SH3BP4: variants seen among roughly 807,000 people sequenced by gnomAD.
SH3BP4 encodes SH3 domain-binding protein 4.
In SH3BP4, 33 loss-of-function variants were observed where a neutral mutation model predicts 65.5. That is an observed-to-expected ratio of 0.50 (90% CI 0.38 to 0.67). The LOEUF is 0.67. Ranked by LOEUF, SH3BP4 falls within the 30% of genes least tolerant of loss-of-function variation. The probability of loss-of-function intolerance (pLI) is 0.00; values close to 1 mark genes in which losing one functional copy is unlikely to be tolerated. For missense variants in SH3BP4, 1,134 were observed against 1,261.4 expected (o/e 0.90, Z 1.53); for synonymous variants, 552 against 545.5 (o/e 1.01, Z -0.17).
chr2:235,037,627 G>A (rs1306618767), intron 3 of SH3BP4, among the ~76,000 whole-genome samples: 3 of 152,142 alleles, frequency 2.0e-5, no homozygotes, highest in Admixed American at 6.5e-5. Flanking sequence ...ACCTTTGAGG[G>A]ATTCTAGCAA....
chr2:234,970,113 ACACT>A (rs769176903), intron 1 of SH3BP4, among the ~76,000 whole-genome samples: 4 of 151,718 alleles, frequency 2.6e-5, no homozygotes, highest in Admixed American at 6.6e-5. Context: ...TCACTCACAC[ACACT>A]CTCACACTCT....
At chr2:234,998,455 C>T (rs1283258725) in intron 2 of SH3BP4, among the ~76,000 whole-genome samples, 1 of 152,280 alleles carries the variant, frequency 6.6e-6, no homozygotes, top group East Asian at 1.9e-4. Context: ...TCTGCCTGCA[C>T]ACCTCCTGCC....
At chr2:234,981,061 C>T (rs530371536) in intron 1 of SH3BP4, among the ~76,000 whole-genome samples, 1 of 152,290 alleles carries the variant, frequency 6.6e-6, no homozygotes, top group South Asian at 2.1e-4. Flanking sequence ...GGAAAATAAG[C>T]CTCTCTTAGT....
In SH3BP4 at chr2:235,010,114, C is replaced by G. The variant is rs117185128; in HGVS notation, c.-133+14738C>G. ...GGGTGTATCATCCCCTCCTTGGCAG[C>G]CTGACTTGCAGATTAGAGACCCCTC... is the stretch of plus-strand genomic sequence containing the variant. On this transcript the variant is annotated intron_variant, in intron 2 of 5. Coordinates refer to ENST00000392011, the MANE Select transcript of SH3BP4 (RefSeq NM_014521.3). Among the ~76,000 whole-genome samples, 128 of 152,280 alleles carry G rather than the reference C, an allele frequency of 8.4e-4. 2 individuals are homozygous for G. In the East Asian group the frequency reaches 0.02, roughly 24 times the overall value.
At chr2:234,984,775 C>A (rs1693495963) in intron 1 of SH3BP4, among the ~76,000 whole-genome samples, 2 of 152,190 alleles carry the variant, frequency 1.3e-5, no homozygotes, top group African/African-American at 4.8e-5. Context: ...TGGTTTACAA[C>A]CCCTGAAAGC....
intron 1 of SH3BP4, among the ~76,000 whole-genome samples, chr2:234,975,088 G>T (rs1022606957): frequency 2.0e-5 from 3 of 152,176 alleles, no homozygotes; most frequent in African/African-American, 7.2e-5. Flanking sequence ...TATTTCTCTG[G>T]GTTCGTTTGG....
Position 234,997,747 on chromosome 2 carries a change from TG to T in SH3BP4, c.-133+2372del. On this transcript the variant is annotated intron_variant, in intron 2 of 5. Coordinates refer to ENST00000392011, the MANE Select transcript of SH3BP4 (RefSeq NM_014521.3). This position sits in a 1 kb window ranked among gnomAD's most constrained non-coding sequence, Gnocchi z 4.2. ...GCTCAAGGCCTGGGAACACCCTGCC[TG>T]TTTCACAGATGAGAAACTCATCTCA... 6.6e-6 allele frequency among the ~76,000 whole-genome samples: 1 copy of T among 152,230 alleles called. No individual in the cohort carries two copies. The highest frequency in any genetic ancestry group is 1.5e-5 in the Non-Finnish European group (1 of 68,042).
intron 2 of SH3BP4, among the ~76,000 whole-genome samples, chr2:234,998,404 C>T (rs868496741): frequency 1.5e-4 from 23 of 152,330 alleles, no homozygotes; most frequent in Admixed American, 3.9e-4. Flanking sequence ...TGGGTGGTAG[C>T]GGAGTCACCC....
chr2:235,015,336 T>A (rs1694656264), intron 2 of SH3BP4, among the ~76,000 whole-genome samples: 1 of 151,956 alleles, frequency 6.6e-6, no homozygotes, highest in African/African-American at 2.4e-5. Flanking sequence ...GTGAGCTGGG[T>A]CACGATGAAC....
chr2:234,972,324 G>A (rs1693026173), intron 1 of SH3BP4, among the ~76,000 whole-genome samples: 1 of 151,934 alleles, frequency 6.6e-6, no homozygotes, highest in South Asian at 2.1e-4. Flanking sequence ...AGTAGAGACA[G>A]GGCTTTACCA....
chr2:235,054,840 G>A lies in SH3BP4; in HGVS notation c.*1024G>A, dbSNP rs899746211. The A allele has an allele frequency of 6.6e-6, 1 of 152,214 alleles. No homozygotes were observed. The highest frequency in any genetic ancestry group is 2.1e-4 in the South Asian group (1 of 4,824). The allele number at this position is 152,214 out of a possible 1,614,324, so 9.4% of individuals were successfully genotyped here. On this transcript the variant is annotated 3_prime_UTR_variant, in exon 6 of 6. Transcript: ENST00000392011. ...GGCCTCACAAGCAACGCCTTATGCTGATGTGCAGAGGTGCCAGCTGCCATT... is the reference window on the plus strand; with the variant it reads ...GGCCTCACAAGCAACGCCTTATGCTAATGTGCAGAGGTGCCAGCTGCCATT...
chr2:235,002,737 A>C (rs1329516280), intron 2 of SH3BP4, among the ~76,000 whole-genome samples: 6 of 152,208 alleles, frequency 3.9e-5, no homozygotes, highest in African/African-American at 1.4e-4. Context: ...AAAACAAAAC[A>C]AGTAAAACAA....
At chr2:234,999,152 C>T (rs1048756054) in intron 2 of SH3BP4, among the ~76,000 whole-genome samples, 4 of 152,306 alleles carry the variant, frequency 2.6e-5, no homozygotes, top group African/African-American at 9.6e-5. Context: ...GAGAAAGAAA[C>T]GTGAGCTGCA....
chr2:235,053,890 A>T lies in SH3BP4; in HGVS notation c.*74A>T, dbSNP rs1254644478. 7 of 1,237,270 alleles carry T rather than the reference A, an allele frequency of 5.7e-6. No individual in the cohort carries two copies. The highest frequency in any genetic ancestry group is 7.1e-6 in the Non-Finnish European group (6 of 847,394). The allele number at this position is 1,237,270 out of a possible 1,614,324, so 76.6% of individuals were successfully genotyped here. Reference sequence around the variant, plus strand: ...CCTGCGTGCCCTGCTGTCACCGCGGAGCTGAAGAGGGAGGAAGGGGCGGCT... The same window carrying T: ...CCTGCGTGCCCTGCTGTCACCGCGGTGCTGAAGAGGGAGGAAGGGGCGGCT... On this transcript the variant is annotated 3_prime_UTR_variant, in exon 6 of 6. Coordinates refer to ENST00000392011, the MANE Select transcript of SH3BP4 (RefSeq NM_014521.3).
At chr2:234,981,237 T>C (rs1693373609) in intron 1 of SH3BP4, among the ~76,000 whole-genome samples, 2 of 152,210 alleles carry the variant, frequency 1.3e-5, no homozygotes, top group South Asian at 4.1e-4. Flanking sequence ...CTTTGGGTCA[T>C]GGACTGGTGC....
At position 235,027,952 on chromosome 2, in the gene SH3BP4, C is replaced by A. The variant is rs548664198; in HGVS notation, c.-132-6919C>A. On this transcript the variant is annotated intron_variant, in intron 2 of 5. Coordinates refer to ENST00000392011, the MANE Select transcript of SH3BP4 (RefSeq NM_014521.3). ...AATATTCTGTGATCTGGAGTCTATG[C>A]GTGGCGTGACAGCAGCCGTAGCGGA... is the stretch of plus-strand genomic sequence containing the variant. Among the ~76,000 whole-genome samples the A allele has an allele frequency of 3.9e-5, 6 of 152,282 alleles. No homozygotes were observed. In the East Asian group the frequency reaches 1.2e-3, roughly 29 times the overall value.
chr2:235,053,429 G>A (rs1474685786), intron 5 of SH3BP4, among the ~76,000 whole-genome samples, 163 bp from the exon 6 acceptor site: 2 of 152,198 alleles, frequency 1.3e-5, no homozygotes, highest in East Asian at 1.9e-4. Context: ...CCCTGGCCCC[G>A]AGATGGTTCC....
chr2:234,999,459 C>G (rs1694030389), intron 2 of SH3BP4, among the ~76,000 whole-genome samples: 1 of 152,172 alleles, frequency 6.6e-6, no homozygotes, highest in African/African-American at 2.4e-5. Context: ...GGAATTGTCC[C>G]CCACCCTGTT....
intron 2 of SH3BP4, among the ~76,000 whole-genome samples, chr2:234,998,229 T>TG (rs1193364619): frequency 3.3e-5 from 5 of 152,084 alleles, no homozygotes; most frequent in Admixed American, 6.5e-5. Flanking sequence ...GCTGGGTGCC[T>TG]GGGGGGGCAC....
Sources: gnomAD v4.1 joint callset for allele counts (sites outside exome capture counted in the v4.1 genomes callset) on GRCh38, gnomAD v4.1.1 for gene constraint, Gnocchi (gnomAD v3.1) non-coding constraint, MANE v1.5 for transcripts, NCBI Gene and HGNC (gene_info 2026-07-23, HGNC 2026-07-21) for gene names.